ATP2C1: variants seen among roughly 807,000 people sequenced by gnomAD.
ATP2C1 encodes calcium-transporting ATPase type 2C member 1.
Under a neutral mutation model 120.5 loss-of-function variants are expected in ATP2C1, and 31 were observed. The observed-to-expected ratio is 0.26, with a 90% confidence interval of 0.19 to 0.35. ATP2C1 has a LOEUF of 0.35. ATP2C1 is among the 10% of genes least tolerant of loss of function. The pLI, the probability that ATP2C1 is intolerant of heterozygous loss-of-function variation, is 1.00. For synonymous variants in ATP2C1, 351 were observed against 358.7 expected (o/e 0.98, Z 0.24); for missense variants, 731 against 1,107.5 (o/e 0.66, Z 4.83).
At chr3:130,967,584 TGTAAA>T (rs1054350529) in intron 16 of ATP2C1, among the ~76,000 whole-genome samples, 165 bp downstream of exon 16, 16 of 152,180 alleles carry the variant, frequency 1.1e-4, no homozygotes, top group African/African-American at 3.6e-4. Context: ...TTCCTATAAA[TGTAAA>T]GTATAGACTT....
intron 11 of ATP2C1, among the ~76,000 whole-genome samples, chr3:130,957,907 A>G (rs1403593335): frequency 6.6e-6 from 1 of 152,214 alleles, no homozygotes; most frequent in African/African-American, 2.4e-5. Flanking sequence ...AATTCTGTTT[A>G]TCCATCTATC....
chr3:130,968,765 T>G (rs2061163507), intron 16 of ATP2C1, among the ~76,000 whole-genome samples: 1 of 152,150 alleles, frequency 6.6e-6, no homozygotes, highest in African/African-American at 2.4e-5. Context: ...AAGATATTTT[T>G]TGATATTTTT....
intron 1 of ATP2C1, among the ~76,000 whole-genome samples, chr3:130,872,673 C>T (rs2068474076): frequency 6.6e-6 from 1 of 152,066 alleles, no homozygotes; most frequent in Non-Finnish European, 1.5e-5. Context: ...CAACCTCCGC[C>T]TCCTGGGTTC....
chr3:130,896,137 C>T (rs1242716246), intron 2 of ATP2C1, among the ~76,000 whole-genome samples: 2 of 152,196 alleles, frequency 1.3e-5, no homozygotes, highest in African/African-American at 4.8e-5. Flanking sequence ...TAACTTCTAA[C>T]ATTTAATGTA....
intron 2 of ATP2C1, among the ~76,000 whole-genome samples, chr3:130,906,100 T>A (rs1285333060): frequency 6.6e-6 from 1 of 152,108 alleles, no homozygotes; most frequent in Non-Finnish European, 1.5e-5. Flanking sequence ...ATAGAATCAC[T>A]TACCACAAAA....
chr3:130,936,482 G>T (rs1391997964), intron 5 of ATP2C1, among the ~76,000 whole-genome samples: 2 of 152,166 alleles, frequency 1.3e-5, no homozygotes, highest in African/African-American at 4.8e-5. Context: ...TAGTAGCTAA[G>T]AAGAATATCC....
At chr3:131,004,823 TTG>T (rs528475920), downstream of ATP2C1, among the ~76,000 whole-genome samples, 328 of 152,306 alleles carry the variant, frequency 2.2e-3, no homozygotes, top group African/African-American at 7.4e-3. Context: ...CACAATGAGT[TTG>T]ACACTGTTAA....
intron 26 of ATP2C1, among the ~76,000 whole-genome samples, chr3:131,015,473 G>T (rs2063574596): frequency 6.6e-6 from 1 of 152,016 alleles, no homozygotes; most frequent in African/African-American, 2.4e-5. Flanking sequence ...ATCATACCCA[G>T]CTTAAACTCC....
At chr3:130,909,858 A>G (rs1328929925) in intron 2 of ATP2C1, among the ~76,000 whole-genome samples, 1 of 151,286 alleles carries the variant, frequency 6.6e-6, no homozygotes, top group Non-Finnish European at 1.5e-5. Context: ...TTTTATATAT[A>G]TATTTATATT....
At chr3:130,936,836 A>AAAT (rs2059694568) in intron 5 of ATP2C1, among the ~76,000 whole-genome samples, 1 of 144,784 alleles carries the variant, frequency 6.9e-6, no homozygotes, top group Non-Finnish European at 1.5e-5. Flanking sequence ...AAAAAAAAAA[A>AAAT]CTCCTCCCTA....
chr3:131,006,278 A>T (rs2063107107), downstream of ATP2C1, among the ~76,000 whole-genome samples: 1 of 151,746 alleles, frequency 6.6e-6, no homozygotes, highest in African/African-American at 2.4e-5. Context: ...TGCCCAGCTA[A>T]TTTTTGCATA....
rs72987807 is a variant in ATP2C1 at position 130,996,023 on chromosome 3, C to G, written c.2058-20C>G. The G allele has an allele frequency of 9.0e-4, 1,291 of 1,428,998 alleles. 7 individuals carry two copies. In the African/African-American group the frequency reaches 0.017, roughly 18 times the overall value. The allele number at this position is 1,428,998 out of a possible 1,614,324, so 88.5% of individuals were successfully genotyped here. A position where few individuals can be genotyped will look rare whatever the true frequency, so the allele number is the denominator to read the frequency against. ...GTATGATAATATTTTCTCACTTCAT[C>G]TTTATTTTTTAAATTTCAGGTCTGC... On this transcript the variant is annotated intron_variant, in intron 22 of 27. Coordinates refer to ENST00000510168, the MANE Select transcript of ATP2C1 (RefSeq NM_001378687.1).
At chr3:130,970,854 C>T (rs1480965216) in intron 17 of ATP2C1, among the ~76,000 whole-genome samples, 2 of 151,954 alleles carry the variant, frequency 1.3e-5, no homozygotes, top group Admixed American at 6.6e-5. Context: ...TGGAAACATA[C>T]AGTTTTTAAA....
chr3:131,009,751 G>A (rs920198003), intron 26 of ATP2C1, among the ~76,000 whole-genome samples: 1 of 152,180 alleles, frequency 6.6e-6, no homozygotes, highest in African/African-American at 2.4e-5. Context: ...AAAGTGGGGT[G>A]TAATGTTTTT....
intron 17 of ATP2C1, among the ~76,000 whole-genome samples, chr3:130,972,240 CA>C (rs1217989779): frequency 6.6e-6 from 1 of 152,142 alleles, no homozygotes; most frequent in African/African-American, 2.4e-5. Context: ...CTCTTGCCTG[CA>C]GCCCACTTCT....
At chr3:131,016,451 T>G in exon 27 of ATP2C1, 1 of 1,214,356 alleles carries the variant, frequency 8.2e-7, no homozygotes, top group East Asian at 2.5e-5. Context: ...TTAAAAAAAC[T>G]AAGATGTTTT....
In ATP2C1 at chr3:130,894,149, T is replaced by TGCG; in HGVS notation, c.-369_-368insGCG. On this transcript the variant is annotated 5_prime_UTR_variant, in exon 1 of 28. Transcript: ENST00000510168. This position sits in a 1 kb window ranked among gnomAD's most constrained non-coding sequence, Gnocchi z 4.5. Reference sequence around the variant, plus strand: ...ACGGGTCCCCTCACCTCCTCTTCTCTCCCCTCCCCGCCCGCCCTCTCTCCC... The same window carrying TGCG: ...ACGGGTCCCCTCACCTCCTCTTCTCTGCGCCCCTCCCCGCCCGCCCTCTCTCCC... The TGCG allele has an allele frequency of 1.4e-6, 1 of 694,856 alleles. No homozygotes were observed. The highest frequency in any genetic ancestry group is 1.8e-6 in the Non-Finnish European group (1 of 565,210). 43.0% of individuals were successfully genotyped at this position (694,856 alleles called of 1,614,324 possible). A position where few individuals can be genotyped will look rare whatever the true frequency, so the allele number is the denominator to read the frequency against.
intron 14 of ATP2C1, among the ~76,000 whole-genome samples, chr3:130,965,699 T>TC (rs2061019349): frequency 6.6e-6 from 1 of 152,128 alleles, no homozygotes; most frequent in South Asian, 2.1e-4. Flanking sequence ...TTTAGGATAG[T>TC]CTAATGCCTC....
At chr3:130,868,092 C>G (rs939474013) in intron 1 of ATP2C1, 1 of 149,538 alleles carries the variant, frequency 6.7e-6, no homozygotes, top group African/African-American at 2.5e-5. Flanking sequence ...CGTCTCCGCC[C>G]GGCAGCCACC....
Sources: allele counts gnomAD v4.1 joint callset (sites outside exome capture counted in the v4.1 genomes callset), GRCh38; gene constraint gnomAD v4.1.1; non-coding constraint Gnocchi (gnomAD v3.1); transcripts MANE v1.5; gene names NCBI Gene and HGNC (gene_info 2026-07-23, HGNC 2026-07-21).